ZNF765: variants seen among roughly 807,000 people sequenced by gnomAD.
The protein encoded by ZNF765 is zinc finger protein 765.
Under a neutral mutation model 44.7 loss-of-function variants are expected in ZNF765, and 37 were observed. The ratio of observed to expected loss-of-function variants is 0.83; its 90% CI spans 0.64 to 1.09. The LOEUF (loss-of-function observed/expected upper bound fraction) is 1.09. Ranked by LOEUF, ZNF765 falls within the 50% of genes least tolerant of loss-of-function variation. The probability of loss-of-function intolerance (pLI) is 0.00; values close to 1 mark genes in which losing one functional copy is unlikely to be tolerated. For synonymous variants in ZNF765, 201 were observed against 213.7 expected (o/e 0.94, Z 0.52); for missense variants, 594 against 626.1 (o/e 0.95, Z 0.55).
Position 53,408,158 on chromosome 19 carries a change from A to G in ZNF765, c.603A>G (p.Leu201=), listed in dbSNP as rs2085794458. The G allele has an allele frequency of 5.0e-6, 8 of 1,614,066 alleles. No homozygotes were observed. Among genetic ancestry groups the G allele is most frequent in the Non-Finnish European group, 6.8e-6 (8 of 1,179,934 alleles). ...GGAATAATTTCCTGAATTCTTCATT[A>G]TTCACACAAAAACAGGAAGTACATA... is the stretch of plus-strand genomic sequence containing the variant. ...DYGNNFLNSS[L]FTQKQEVHMR... The change falls in exon 4 of 4, where the codon TTA becomes TTG. Residue 201 remains leucine (L), a synonymous_variant. Coordinates refer to ENST00000396408, the MANE Select transcript of ZNF765 (RefSeq NM_001040185.3).
chr19:53,395,454 T>C (rs1442941051), intron 1 of ZNF765, among the ~76,000 whole-genome samples: 2 of 152,224 alleles, frequency 1.3e-5, no homozygotes, highest in African/African-American at 4.8e-5. Flanking sequence ...TCTGAAACTT[T>C]TTCTGACTCC....
At chr19:53,425,765 G>C (rs1395638479) in exon 4 of ZNF765, 1 of 152,514 alleles carries the variant, frequency 6.6e-6, no homozygotes, top group East Asian at 1.9e-4. Context: ...ACAAGCTTCT[G>C]ACCCTGAATA....
At chr19:53,403,291 A>G (rs1018802680) in intron 3 of ZNF765, among the ~76,000 whole-genome samples, 6 of 151,952 alleles carry the variant, frequency 3.9e-5, no homozygotes, top group Non-Finnish European at 8.8e-5. Flanking sequence ...TTAAATACTT[A>G]CAGTTGAAGT....
In ZNF765 at chr19:53,418,973, G is replaced by A. The variant is rs539853479; in HGVS notation, c.143-4089G>A. Among the ~76,000 whole-genome samples the A allele has an allele frequency of 4.6e-5, 7 of 151,366 alleles. No individual in the cohort carries two copies. In the South Asian group the frequency reaches 1.0e-3, roughly 23 times the overall value. On this transcript the variant is annotated intron_variant, in intron 3 of 3. Coordinates refer to the ZNF765 transcript ENST00000594030. Reference sequence around the variant, plus strand: ...ACATCAAGAAAAGCGAATCTTAGGGGTTTGAAACTAGTTTAATGTCAAAGC... The same window carrying A: ...ACATCAAGAAAAGCGAATCTTAGGGATTTGAAACTAGTTTAATGTCAAAGC...
At chr19:53,414,321 G>A (rs1422491926), downstream of ZNF765, among the ~76,000 whole-genome samples, 2 of 150,190 alleles carry the variant, frequency 1.3e-5, no homozygotes, top group Non-Finnish European at 1.5e-5. Context: ...GGTATGATAA[G>A]TTGCTACATG....
chr19:53,427,074 G>C (rs1171384864), exon 4 of ZNF765: 1 of 134,128 alleles, frequency 7.5e-6, no homozygotes, highest in African/African-American at 3.1e-5. Flanking sequence ...AAGTCTGTCT[G>C]TCTGTCTCAC....
At chr19:53,395,716 C>T (rs1371052149) in intron 1 of ZNF765, among the ~76,000 whole-genome samples, 9 of 152,196 alleles carry the variant, frequency 5.9e-5, no homozygotes. Flanking sequence ...TTTCCCTGAG[C>T]CCGAGTTAGG....
At chr19:53,396,180 A>C (rs1568772004) in intron 1 of ZNF765, among the ~76,000 whole-genome samples, 1 of 152,050 alleles carries the variant, frequency 6.6e-6, no homozygotes, top group Admixed American at 6.6e-5. Flanking sequence ...TGCTGGTGGC[A>C]AGGAGAACAG....
intron 3 of ZNF765, among the ~76,000 whole-genome samples, chr19:53,406,765 A>G (rs1482684175): frequency 3.9e-5 from 6 of 152,138 alleles, no homozygotes; most frequent in Non-Finnish European, 2.9e-5. Flanking sequence ...AAATACAAAA[A>G]TTAGCCAAAC....
intron 3 of ZNF765, among the ~76,000 whole-genome samples, chr19:53,404,061 AT>A (rs1167592847): frequency 6.6e-6 from 1 of 152,114 alleles, no homozygotes; most frequent in African/African-American, 2.4e-5. Context: ...GTGTCCTGTT[AT>A]TTGCCTATTC....
downstream of ZNF765, among the ~76,000 whole-genome samples, chr19:53,415,614 C>T (rs573039473): frequency 6.6e-6 from 1 of 152,260 alleles, no homozygotes; most frequent in East Asian, 1.9e-4. Flanking sequence ...CAGTTTACTA[C>T]AGCACTCATT....
Position 53,409,903 on chromosome 19 carries a change from G to A in ZNF765, c.*776G>A. The A allele has an allele frequency of 1.6e-6, 1 of 635,120 alleles. No homozygotes were observed. Among genetic ancestry groups the A allele is most frequent in the Non-Finnish European group, 3.1e-6 (1 of 327,794 alleles). The allele number at this position is 635,120 out of a possible 1,614,324, so 39.3% of individuals were successfully genotyped here. On this transcript the variant is annotated 3_prime_UTR_variant, in exon 4 of 4. Coordinates refer to ENST00000396408, the MANE Select transcript of ZNF765 (RefSeq NM_001040185.3). ...AGTGTAGAAAAACCTTTCATGGGCA[G>A]TCAGCATTTTACAAATGTAATGATT...
At chr19:53,418,484 T>C (rs1308909094) in intron 3 of ZNF765, among the ~76,000 whole-genome samples, 2 of 152,118 alleles carry the variant, frequency 1.3e-5, no homozygotes, top group Non-Finnish European at 2.9e-5. Context: ...CCCTCTCATA[T>C]AATACTGACT....
At chr19:53,407,457 G>A (rs1473884032) in intron 3 of ZNF765, among the ~76,000 whole-genome samples, 5 of 152,098 alleles carry the variant, frequency 3.3e-5, no homozygotes, top group South Asian at 2.1e-4. Flanking sequence ...TAGGCTACAC[G>A]TTTTTGTGCC....
intron 2 of ZNF765, among the ~76,000 whole-genome samples, chr19:53,401,330 G>A (rs1242902863): frequency 2.6e-5 from 4 of 152,096 alleles, no homozygotes; most frequent in African/African-American, 9.7e-5. Flanking sequence ...TTGGGAGGCC[G>A]AGGTGGGCGG....
At chr19:53,403,529 G>A (rs553633381) in intron 3 of ZNF765, among the ~76,000 whole-genome samples, 22 of 152,246 alleles carry the variant, frequency 1.4e-4, no homozygotes, top group Non-Finnish European at 2.8e-4. Context: ...TTGGCTCACC[G>A]CAGCCGGCTC....
chr19:53,405,902 A>AGTATATAT (rs1201456882), intron 3 of ZNF765, among the ~76,000 whole-genome samples: 1 of 37,034 alleles, frequency 2.7e-5, no homozygotes, highest in Non-Finnish European at 6.0e-5. Flanking sequence ...ATTAATACCA[A>AGTATATAT]CTATATATAT....
downstream of ZNF765, chr19:53,412,114 C>T: frequency 3.5e-6 from 1 of 283,246 alleles, no homozygotes; most frequent in East Asian, 1.3e-4. Context: ...GTGAGATCCT[C>T]CAGGAAAGGC....
intron 1 of ZNF765, among the ~76,000 whole-genome samples, chr19:53,396,211 G>C (rs369561832): frequency 1.6e-4 from 24 of 151,388 alleles, no homozygotes; most frequent in Non-Finnish European, 2.5e-4. Flanking sequence ...ACAGCAGGGA[G>C]GACACCTGGG....
Sources: allele counts gnomAD v4.1 joint callset (sites outside exome capture counted in the v4.1 genomes callset), GRCh38; gene constraint gnomAD v4.1.1; transcripts MANE v1.5; gene names NCBI Gene and HGNC (gene_info 2026-07-23, HGNC 2026-07-21).